The following SCAI variants were observed in gnomAD, a reference collection of about 807,000 sequenced individuals.
The protein encoded by SCAI is protein SCAI.
Under a neutral mutation model 92.2 loss-of-function variants are expected in SCAI, and 24 were observed. The ratio of observed to expected loss-of-function variants is 0.26; its 90% CI spans 0.19 to 0.37. The LOEUF (loss-of-function observed/expected upper bound fraction) is 0.37, where lower values mean the gene tolerates loss of function less well. Ranked by LOEUF, SCAI falls within the 10% of genes least tolerant of loss-of-function variation. The pLI, the probability that SCAI is intolerant of heterozygous loss-of-function variation, is 1.00. For synonymous variants in SCAI, 261 were observed against 258.6 expected (o/e 1.01, Z -0.09); for missense variants, 450 against 736.2 (o/e 0.61, Z 4.50).
intron 15 of SCAI, among the ~76,000 whole-genome samples, chr9:124,973,077 G>A (rs955047301): frequency 6.6e-6 from 1 of 152,160 alleles, no homozygotes; most frequent in Non-Finnish European, 1.5e-5. Flanking sequence ...CCTGGGGACA[G>A]GTCCCAAGTC....
chr9:124,970,560 AATACAAAAAATTAGCC>A (rs891254792), intron 17 of SCAI, among the ~76,000 whole-genome samples: 11 of 152,094 alleles, frequency 7.2e-5, no homozygotes, highest in Admixed American at 2.0e-4. Context: ...ATCTACTAAA[AATACAAAAAATTAGCC>A]AGGTGTGGTG....
At chr9:125,024,277 GTTT>G (rs777338173) in intron 6 of SCAI, among the ~76,000 whole-genome samples, 1 of 137,444 alleles carries the variant, frequency 7.3e-6, no homozygotes. Context: ...TTTTTATGAA[GTTT>G]TTTTTTTTTT....
At chr9:125,097,534 T>C (rs539483461) in intron 2 of SCAI, among the ~76,000 whole-genome samples, 4 of 152,182 alleles carry the variant, frequency 2.6e-5, no homozygotes, top group Non-Finnish European at 5.9e-5. Flanking sequence ...GAAATAGATA[T>C]AGACACAGAT....
chr9:125,079,762 TA>T (rs111415984), intron 2 of SCAI, among the ~76,000 whole-genome samples: 6 of 148,572 alleles, frequency 4.0e-5, no homozygotes, highest in Admixed American at 2.0e-4. Flanking sequence ...GTTGGTGACT[TA>T]AAAAAAAAAA....
chr9:124,963,631 T>C (rs1432670685), intron 17 of SCAI, among the ~76,000 whole-genome samples: 1 of 151,416 alleles, frequency 6.6e-6, no homozygotes, highest in Non-Finnish European at 1.5e-5. Context: ...ATGCCTGTAA[T>C]CCCAGCTACT....
At chr9:124,998,738 C>T (rs1294592132) in intron 13 of SCAI, among the ~76,000 whole-genome samples, 3 of 152,146 alleles carry the variant, frequency 2.0e-5, no homozygotes, top group Non-Finnish European at 2.9e-5. Flanking sequence ...TCTCCTGCCT[C>T]AGCCTCCTGA....
At chr9:125,129,390 G>A (rs1378280616) in intron 2 of SCAI, among the ~76,000 whole-genome samples, 3 of 148,554 alleles carry the variant, frequency 2.0e-5, no homozygotes, top group Non-Finnish European at 3.0e-5. Flanking sequence ...GCAGTGAGCC[G>A]AGATCACGCA....
intron 2 of SCAI, among the ~76,000 whole-genome samples, chr9:125,085,059 A>G (rs867592397): frequency 2.6e-5 from 4 of 152,362 alleles, no homozygotes; most frequent in South Asian, 2.1e-4. Flanking sequence ...GACAAATCCT[A>G]TTAAAAAGTA....
intron 3 of SCAI, among the ~76,000 whole-genome samples, chr9:125,044,871 T>C (rs1307753690): frequency 1.3e-5 from 2 of 152,190 alleles, no homozygotes; most frequent in Non-Finnish European, 2.9e-5. Flanking sequence ...TGTGGGTGCC[T>C]GCAGTGGAAG....
chr9:125,140,874 T>C (rs558459184), intron 2 of SCAI, among the ~76,000 whole-genome samples: 3 of 151,462 alleles, frequency 2.0e-5, no homozygotes. Context: ...AAAAAAAAAG[T>C]ATTTACTCCA....
intron 2 of SCAI, among the ~76,000 whole-genome samples, chr9:125,073,384 G>C (rs899288234): frequency 6.6e-6 from 1 of 151,986 alleles, no homozygotes; most frequent in Non-Finnish European, 1.5e-5. Context: ...GATTACAGGC[G>C]TGAGCCACCG....
chr9:125,088,978 TA>T (rs1834376673), intron 2 of SCAI, among the ~76,000 whole-genome samples: 1 of 152,260 alleles, frequency 6.6e-6, no homozygotes, highest in African/African-American at 2.4e-5. Flanking sequence ...TTTTGACGGC[TA>T]AAAATATCTC....
intron 2 of SCAI, among the ~76,000 whole-genome samples, chr9:125,076,617 CA>C: frequency 6.6e-6 from 1 of 152,106 alleles, no homozygotes. Context: ...GTAATCCCAG[CA>C]CTTTGGGAGG....
At chr9:125,033,642 C>G (rs1209614559) in intron 3 of SCAI, among the ~76,000 whole-genome samples, 1 of 152,058 alleles carries the variant, frequency 6.6e-6, no homozygotes, top group Non-Finnish European at 1.5e-5. Context: ...AATGAATGTT[C>G]TAAAATTGAC....
At chr9:124,961,251 T>C (rs1371560485) in intron 17 of SCAI, among the ~76,000 whole-genome samples, 2 of 148,314 alleles carry the variant, frequency 1.3e-5, no homozygotes, top group African/African-American at 5.0e-5. Flanking sequence ...CTAGGCAACA[T>C]AGGAAGATCT....
chr9:124,994,232 T>C lies in SCAI; in HGVS notation c.1326+702A>G, dbSNP rs191602470. ...TATTTTTAGTAGAGATGGGGGTTTCTCCATGTTGGTTAGGCTGGTCTCGAA... is the reference window on the plus strand; with the variant it reads ...TATTTTTAGTAGAGATGGGGGTTTCCCCATGTTGGTTAGGCTGGTCTCGAA... On this transcript the variant is annotated intron_variant, in intron 14 of 17. Coordinates refer to ENST00000336505, the MANE Select transcript of SCAI (RefSeq NM_001144877.3). 7.6e-4 allele frequency among the ~76,000 whole-genome samples: 116 copies of C among 152,182 alleles called. 1 individual carries two copies. The Middle Eastern group carries it at 0.01, about 13-fold the overall frequency.
At chr9:125,047,471 T>C (rs1833467826) in intron 3 of SCAI, among the ~76,000 whole-genome samples, 2 of 152,182 alleles carry the variant, frequency 1.3e-5, no homozygotes, top group Admixed American at 1.3e-4. Flanking sequence ...TACAGTAATA[T>C]GGTAACCATC....
chr9:124,999,488 C>G (rs1328678741), intron 13 of SCAI, among the ~76,000 whole-genome samples: 1 of 151,942 alleles, frequency 6.6e-6, no homozygotes, highest in African/African-American at 2.4e-5. Context: ...GCCAGGAAAT[C>G]AAGACTGACC....
At chr9:125,038,721 G>A (rs187604068) in intron 3 of SCAI, among the ~76,000 whole-genome samples, 1 of 152,296 alleles carries the variant, frequency 6.6e-6, no homozygotes, top group East Asian at 1.9e-4. Context: ...AGTTCTTCCT[G>A]AATATCACTA....
Sources: allele counts gnomAD v4.1 joint callset (sites outside exome capture counted in the v4.1 genomes callset), GRCh38; gene constraint gnomAD v4.1.1; transcripts MANE v1.5; gene names NCBI Gene and HGNC (gene_info 2026-07-23, HGNC 2026-07-21).